The following PTPN14 variants were observed in gnomAD, a reference collection of about 807,000 sequenced individuals.
The protein encoded by PTPN14 is protein tyrosine phosphatase non-receptor type 14.
PTPN14 carries 53 observed loss-of-function variants against 126.8 expected under a neutral mutation model. The observed-to-expected ratio is 0.42, with a 90% CI of 0.34 to 0.53. The LOEUF is 0.53. Among genes scored for constraint, PTPN14 ranks in the 20% least tolerant of loss-of-function variants. The probability of loss-of-function intolerance (pLI) is 0.08; values close to 1 mark genes in which losing one functional copy is unlikely to be tolerated. For synonymous variants in PTPN14, 630 were observed against 599.3 expected, an observed-to-expected ratio of 1.05 and a Z score of -0.75; for missense variants, 1,257 against 1,552.9, an observed-to-expected ratio of 0.81 and a Z score of 3.20.
intron 3 of PTPN14, among the ~76,000 whole-genome samples, chr1:214,449,952 G>A (rs941260588): frequency 6.6e-6 from 1 of 151,790 alleles, no homozygotes; most frequent in Non-Finnish European, 1.5e-5. Context: ...GAAATACAGC[G>A]AGACTTCATC....
intron 3 of PTPN14, among the ~76,000 whole-genome samples, chr1:214,425,188 T>C (rs1297557287): frequency 6.6e-6 from 1 of 152,172 alleles, no homozygotes; most frequent in African/African-American, 2.4e-5. Context: ...ACAGACTCAG[T>C]AGATGATCCT....
intron 17 of PTPN14, among the ~76,000 whole-genome samples, chr1:214,365,738 G>A (rs977582514): frequency 6.6e-6 from 1 of 152,120 alleles, no homozygotes; most frequent in Non-Finnish European, 1.5e-5. Flanking sequence ...AATCTGAAGT[G>A]CTTTACCAAA....
chr1:214,461,263 T>G (rs960033152), intron 2 of PTPN14, among the ~76,000 whole-genome samples: 1 of 152,200 alleles, frequency 6.6e-6, no homozygotes, highest in African/African-American at 2.4e-5. Flanking sequence ...ATTACAAAAT[T>G]TATGATATAC....
At chr1:214,503,945 T>C (rs1406006398) in intron 1 of PTPN14, among the ~76,000 whole-genome samples, 1 of 152,168 alleles carries the variant, frequency 6.6e-6, no homozygotes, top group African/African-American at 2.4e-5. Context: ...TCTCATCATT[T>C]TGTACATAGG....
intron 1 of PTPN14, chr1:214,483,155 T>C (rs1257037774): frequency 1.4e-5 from 22 of 1,594,118 alleles, no homozygotes; most frequent in Non-Finnish European, 1.9e-5. Context: ...TTCTGAAGAA[T>C]CTACACAGAA....
chr1:214,454,889 T>C (rs1051547306), intron 2 of PTPN14, among the ~76,000 whole-genome samples: 5 of 152,144 alleles, frequency 3.3e-5, no homozygotes, highest in African/African-American at 1.2e-4. Flanking sequence ...AGAGTTTGTA[T>C]CTACTCACAG....
intron 2 of PTPN14, among the ~76,000 whole-genome samples, chr1:214,460,608 CACATACACACACACACAT>C (rs1206760022): frequency 5.2e-5 from 6 of 115,998 alleles, no homozygotes; most frequent in Admixed American, 1.7e-4. Context: ...CACACACACA[CACATACACACACACACAT>C]ACACACACAC....
In PTPN14 at chr1:214,464,505, C is replaced by T. The variant is rs905347872; in HGVS notation, c.174+125G>A. 11 of 1,265,324 alleles carry T rather than the reference C, an allele frequency of 8.7e-6. No individual in the cohort carries two copies. In the African/African-American group the frequency reaches 1.1e-4, roughly 12 times the overall value. The allele number at this position is 1,265,324 out of a possible 1,614,324, so 78.4% of individuals were successfully genotyped here. A position where few individuals can be genotyped will look rare whatever the true frequency, so the allele number is the denominator to read the frequency against. On this transcript the variant is annotated intron_variant, in intron 2 of 18. Transcript: ENST00000366956. ...AATAACAGGATTCTTATAAACACATCGTCGCTTAGGCCAAAAAACACAACA... is the reference window on the plus strand; with the variant it reads ...AATAACAGGATTCTTATAAACACATTGTCGCTTAGGCCAAAAAACACAACA...
At chr1:214,417,319 G>A (rs542191838) in intron 3 of PTPN14, among the ~76,000 whole-genome samples, 68 of 151,822 alleles carry the variant, frequency 4.5e-4, no homozygotes, top group Non-Finnish European at 7.7e-4. Context: ...CAGATTTGTC[G>A]GGGTGAAATA....
At chr1:214,444,736 CAGAG>C (rs1660106331) in intron 3 of PTPN14, among the ~76,000 whole-genome samples, 1 of 152,160 alleles carries the variant, frequency 6.6e-6, no homozygotes. Flanking sequence ...TGCACACACA[CAGAG>C]AGACACACAC....
In PTPN14 at chr1:214,353,648, A is replaced by C. The variant is rs896515223; in HGVS notation, c.*4274T>G. 3 of 152,108 alleles carry C rather than the reference A, an allele frequency of 2.0e-5. No individual in the cohort carries two copies. Among genetic ancestry groups the C allele is most frequent in the Non-Finnish European group, 4.4e-5 (3 of 68,026 alleles). 9.4% of individuals were successfully genotyped at this position (152,108 alleles called of 1,614,324 possible). On this transcript the variant is annotated 3_prime_UTR_variant, in exon 19 of 19. Coordinates refer to ENST00000366956, the MANE Select transcript of PTPN14 (RefSeq NM_005401.5). Reference sequence around the variant, plus strand: ...CATCGGGAAAGGACAGCAGCTAAAAACTCCAGAGTGATATGCCTGATGGCC... The same window carrying C: ...CATCGGGAAAGGACAGCAGCTAAAACCTCCAGAGTGATATGCCTGATGGCC...
intron 7 of PTPN14, among the ~76,000 whole-genome samples, chr1:214,400,876 C>T (rs945055092): frequency 3.9e-5 from 6 of 152,164 alleles, no homozygotes; most frequent in African/African-American, 1.4e-4. Context: ...CTCATTAAGG[C>T]AAATTGCAAA....
chr1:214,436,492 G>A (rs1659918934), intron 3 of PTPN14, among the ~76,000 whole-genome samples: 1 of 152,188 alleles, frequency 6.6e-6, no homozygotes, highest in Non-Finnish European at 1.5e-5. Flanking sequence ...GTAAGTGTGA[G>A]ATTTTTGGTT....
At chr1:214,461,082 C>T (rs1345599702) in intron 2 of PTPN14, among the ~76,000 whole-genome samples, 1 of 151,986 alleles carries the variant, frequency 6.6e-6, no homozygotes, top group East Asian at 1.9e-4. Context: ...TCTGTACCTT[C>T]CTCTCAATTT....
intron 3 of PTPN14, among the ~76,000 whole-genome samples, chr1:214,417,771 C>A (rs910732124): frequency 6.6e-6 from 1 of 152,094 alleles, no homozygotes; most frequent in African/African-American, 2.4e-5. Context: ...AAATAAGGCA[C>A]CAGGAACTCA....
intron 1 of PTPN14, among the ~76,000 whole-genome samples, chr1:214,510,063 C>T (rs1654935797): frequency 6.6e-6 from 1 of 152,174 alleles, no homozygotes; most frequent in African/African-American, 2.4e-5. Flanking sequence ...GCTGAGGTAA[C>T]TGTAGGGTTC....
chr1:214,509,821 A>C (rs1226747382), intron 1 of PTPN14, among the ~76,000 whole-genome samples: 2 of 152,242 alleles, frequency 1.3e-5, no homozygotes, highest in Admixed American at 6.5e-5. Flanking sequence ...AAAAAGGATG[A>C]GTTCACGTCC....
chr1:214,518,575 G>T (rs73077984), intron 1 of PTPN14, among the ~76,000 whole-genome samples: 1 of 152,160 alleles, frequency 6.6e-6, no homozygotes, highest in Non-Finnish European at 1.5e-5. Context: ...CATACAGAGA[G>T]GATGAGACTT....
intron 17 of PTPN14, among the ~76,000 whole-genome samples, chr1:214,369,194 G>A (rs1164280288): frequency 6.6e-6 from 1 of 152,150 alleles, no homozygotes; most frequent in Admixed American, 6.5e-5. Flanking sequence ...CTGATTAAAT[G>A]AGTAGCTAAA....
Sources: gnomAD v4.1 joint callset for allele counts (sites outside exome capture counted in the v4.1 genomes callset) on GRCh38, gnomAD v4.1.1 for gene constraint, MANE v1.5 for transcripts, NCBI Gene and HGNC (gene_info 2026-07-23, HGNC 2026-07-21) for gene names.